Variants in ASIC2 observed in about 807,000 individuals in gnomAD.
The protein encoded by ASIC2 is acid sensing ion channel subunit 2.
In ASIC2, 25 loss-of-function variants were observed where a neutral mutation model predicts 57.3. The observed-to-expected ratio is 0.44, with a 90% CI of 0.32 to 0.61. The LOEUF (loss-of-function observed/expected upper bound fraction) is 0.61, where lower values mean the gene tolerates loss of function less well. ASIC2 is among the 20% of genes least tolerant of loss of function. ASIC2 has a pLI of 0.06. For missense variants in ASIC2, 641 were observed against 738.1 expected (o/e 0.87, Z 1.52); for synonymous variants, 319 against 307.5 (o/e 1.04, Z -0.39).
chr17:33,988,877 G>A (rs1905912853), intron 1 of ASIC2, among the ~76,000 whole-genome samples: 1 of 151,954 alleles, frequency 6.6e-6, no homozygotes, highest in Admixed American at 6.6e-5. Context: ...CCAGAGCAGG[G>A]GCAAAAGCAG....
intron 1 of ASIC2, among the ~76,000 whole-genome samples, chr17:33,715,981 C>A (rs770556868): frequency 2.6e-5 from 4 of 152,134 alleles, no homozygotes; most frequent in Non-Finnish European, 4.4e-5. Context: ...TCCAGAAATC[C>A]CAGAATCATG....
intron 1 of ASIC2, among the ~76,000 whole-genome samples, chr17:33,579,273 T>A (rs1271285537): frequency 1.7e-5 from 2 of 116,092 alleles, no homozygotes; most frequent in South Asian, 2.8e-4. Context: ...GTAGCACGAA[T>A]GAAACTGTGT....
intron 1 of ASIC2, among the ~76,000 whole-genome samples, chr17:34,067,529 G>A (rs1393432596): frequency 2.0e-5 from 3 of 152,134 alleles, no homozygotes; most frequent in African/African-American, 4.8e-5. Flanking sequence ...AGGGCTTACT[G>A]CATGACAATT....
chr17:33,273,955 T>G (rs1245115929), intron 1 of ASIC2, among the ~76,000 whole-genome samples: 5 of 152,202 alleles, frequency 3.3e-5, no homozygotes, highest in Admixed American at 3.3e-4. Flanking sequence ...TTTTATTCCT[T>G]GCAATCACTC....
At chr17:33,492,816 G>A (rs1913802391) in intron 1 of ASIC2, among the ~76,000 whole-genome samples, 1 of 152,118 alleles carries the variant, frequency 6.6e-6, no homozygotes, top group Admixed American at 6.5e-5. Flanking sequence ...TTCAGAAGAG[G>A]GTGGTTGCTT....
intron 1 of ASIC2, among the ~76,000 whole-genome samples, chr17:33,504,114 T>C (rs747661605): frequency 6.6e-6 from 1 of 152,250 alleles, no homozygotes; most frequent in Non-Finnish European, 1.5e-5. Context: ...TAGCATTAAC[T>C]GAGCACCAAG....
At chr17:33,415,396 T>A (rs1910807820) in intron 1 of ASIC2, among the ~76,000 whole-genome samples, 1 of 152,228 alleles carries the variant, frequency 6.6e-6, no homozygotes, top group Admixed American at 6.5e-5. Flanking sequence ...TTGTTATATT[T>A]TTTATTTGTA....
intron 1 of ASIC2, among the ~76,000 whole-genome samples, chr17:33,881,562 A>C (rs2141940214): frequency 6.6e-6 from 1 of 152,358 alleles, no homozygotes; most frequent in Non-Finnish European, 1.5e-5. Context: ...AAGGGATGTG[A>C]AGGACCTCTT....
At chr17:33,633,473 A>G (rs1906243473) in intron 1 of ASIC2, among the ~76,000 whole-genome samples, 1 of 152,142 alleles carries the variant, frequency 6.6e-6, no homozygotes, top group African/African-American at 2.4e-5. Context: ...GGGTGCCCCA[A>G]ACTTGGCCAC....
intron 1 of ASIC2, among the ~76,000 whole-genome samples, chr17:34,054,629 C>T (rs956736826): frequency 1.3e-5 from 2 of 152,084 alleles, no homozygotes; most frequent in African/African-American, 2.4e-5. Flanking sequence ...ATGTCCTACC[C>T]GATATTTGCT....
intron 1 of ASIC2, among the ~76,000 whole-genome samples, chr17:33,637,857 T>C (rs901086917): frequency 9.2e-5 from 14 of 152,158 alleles, no homozygotes; most frequent in African/African-American, 3.4e-4. Context: ...ATCACTCAAA[T>C]AAGTCTCCCC....
chr17:33,232,446 A>ATGGTATGGTATGGAATGGT (rs1567792727), intron 1 of ASIC2, among the ~76,000 whole-genome samples: 5 of 127,950 alleles, frequency 3.9e-5, no homozygotes, highest in African/African-American at 1.3e-4. Context: ...TATGGTATGG[A>ATGGTATGGTATGGAATGGT]ATGGTATGGT....
chr17:33,098,713 C>T (rs1597576716), intron 2 of ASIC2, among the ~76,000 whole-genome samples: 2 of 152,256 alleles, frequency 1.3e-5, no homozygotes, highest in South Asian at 2.1e-4. Flanking sequence ...ACATGTTATA[C>T]TTTGTTGATC....
chr17:34,093,590 T>C (rs1331002814), intron 1 of ASIC2, among the ~76,000 whole-genome samples: 1 of 152,200 alleles, frequency 6.6e-6, no homozygotes, highest in Non-Finnish European at 1.5e-5. Context: ...CTGATACACT[T>C]TGAATATTTG....
intron 1 of ASIC2, among the ~76,000 whole-genome samples, chr17:33,150,563 CT>C (rs1904743060): frequency 6.6e-6 from 1 of 151,928 alleles, no homozygotes; most frequent in African/African-American, 2.4e-5. Context: ...ATAGTGAAGT[CT>C]TTCTTGGGGG....
At chr17:34,003,259 C>A (rs1906407236) in intron 1 of ASIC2, 1 of 152,180 alleles carries the variant, frequency 6.6e-6, no homozygotes, top group African/African-American at 2.4e-5. Context: ...GACTTAACCT[C>A]TTTGACCTCA....
At chr17:33,495,001 G>A (rs1913882518) in intron 1 of ASIC2, among the ~76,000 whole-genome samples, 1 of 152,178 alleles carries the variant, frequency 6.6e-6, no homozygotes, top group African/African-American at 2.4e-5. Context: ...GTCTGACTGT[G>A]CATCAGAACC....
chr17:33,809,983 G>C (rs557519917), intron 1 of ASIC2, among the ~76,000 whole-genome samples: 1 of 152,130 alleles, frequency 6.6e-6, no homozygotes, highest in African/African-American at 2.4e-5. Flanking sequence ...CCCACCTGCT[G>C]ATCTCATACT....
At chr17:33,222,998 T>A (rs1387022466) in intron 1 of ASIC2, among the ~76,000 whole-genome samples, 2 of 152,018 alleles carry the variant, frequency 1.3e-5, no homozygotes, top group Admixed American at 6.6e-5. Flanking sequence ...CAGGTTCACA[T>A]CAGGGAGCCG....
Sources: allele counts gnomAD v4.1 joint callset (sites outside exome capture counted in the v4.1 genomes callset), GRCh38; gene constraint gnomAD v4.1.1; transcripts MANE v1.5; gene names NCBI Gene and HGNC (gene_info 2026-07-23, HGNC 2026-07-21).